HARS1: variants seen among roughly 807,000 people sequenced by gnomAD.
HARS1 encodes the protein histidyl-tRNA synthetase 1.
Under a neutral mutation model 63.6 loss-of-function variants are expected in HARS1, and 45 were observed. That is an observed-to-expected ratio of 0.71 (90% CI 0.56 to 0.91). The LOEUF (loss-of-function observed/expected upper bound fraction) is 0.91, where lower values mean the gene tolerates loss of function less well. Ranked by LOEUF, HARS1 falls within the 40% of genes least tolerant of loss-of-function variation. HARS1 has a pLI of 0.00. For missense variants in HARS1, 508 were observed against 643.2 expected (o/e 0.79, Z 2.27); for synonymous variants, 205 against 247.1 (o/e 0.83, Z 1.60).
intron 2 of HARS1, chr5:140,684,948 G>A (rs1227561344): frequency 1.3e-5 from 2 of 152,210 alleles, no homozygotes; most frequent in African/African-American, 2.4e-5. Flanking sequence ...ATAGAAGACA[G>A]CAGGATTCTC....
At chr5:140,674,610 GA>G in intron 12 of HARS1, 68 bp downstream of exon 12, 1 of 1,552,160 alleles carries the variant, frequency 6.4e-7, no homozygotes, top group Non-Finnish European at 8.9e-7. Flanking sequence ...CTCAGGTCTT[GA>G]ATGGGCATGG....
chr5:140,682,180 C>T (rs780704238), intron 3 of HARS1, among the ~76,000 whole-genome samples: 1 of 151,406 alleles, frequency 6.6e-6, no homozygotes, highest in African/African-American at 2.4e-5. Flanking sequence ...GGGGTTCGTT[C>T]GCAAGCAGCC....
At chr5:140,674,375 C>G in intron 12 of HARS1, 47 bp from the exon 13 acceptor site, 1 of 1,301,058 alleles carries the variant, frequency 7.7e-7, no homozygotes, top group Non-Finnish European at 1.1e-6. Flanking sequence ...TTCCATTCCA[C>G]TGCTCCCCGA....
intron 2 of HARS1, chr5:140,683,450 T>C: frequency 8.9e-7 from 1 of 1,119,374 alleles, no homozygotes; most frequent in Non-Finnish European, 1.2e-6. Flanking sequence ...TTGGGTCTAT[T>C]TTCTAAAATT....
Position 140,679,928 on chromosome 5 carries a change from A to C in HARS1, c.301-45T>G, listed in dbSNP as rs1437853878. 9.3e-7 allele frequency: 1 copy of C among 1,080,600 alleles called. No homozygotes were observed. The highest frequency in any genetic ancestry group is 1.3e-5 in the South Asian group (1 of 76,166). The allele number at this position is 1,080,600 out of a possible 1,614,324, so 66.9% of individuals were successfully genotyped here. A position where few individuals can be genotyped will look rare whatever the true frequency, so the allele number is the denominator to read the frequency against. ...ATGTGGTCATAATAATAAACATAAC[A>C]ATTTAAAAGGAAGTTTTGAAAACAA... On this transcript the variant is annotated intron_variant, in intron 3 of 12. Coordinates refer to ENST00000504156, the MANE Select transcript of HARS1 (RefSeq NM_002109.6). The surrounding 1 kb of genome is among the most constrained non-coding windows in gnomAD (Gnocchi z 4.3).
intron 2 of HARS1, chr5:140,685,030 T>G (rs1311588363): frequency 6.6e-6 from 1 of 152,172 alleles, no homozygotes; most frequent in Non-Finnish European, 1.5e-5. Context: ...AATCTAACCT[T>G]ACACAGATAT....
At chr5:140,684,979 A>G (rs967502738) in intron 2 of HARS1, 2 of 152,202 alleles carry the variant, frequency 1.3e-5, no homozygotes, top group African/African-American at 2.4e-5. Context: ...TTTGCATTCA[A>G]TCTGTCGTGA....
At chr5:140,682,948 G>T in intron 3 of HARS1, 152 bp downstream of exon 3, 1 of 658,092 alleles carries the variant, frequency 1.5e-6, no homozygotes. Flanking sequence ...CTCCCTCCAA[G>T]CCATTCTTGT....
chr5:140,676,795 G>C lies in HARS1; in HGVS notation c.1053C>G (p.Pro351=), dbSNP rs1435212159. The change falls in exon 10 of 13, where the codon CCC becomes CCG. Residue 351 remains proline, a synonymous_variant. Transcript: ENST00000504156. The surrounding 1 kb of genome is among the most constrained non-coding windows in gnomAD (Gnocchi z 4.1). Reference sequence around the variant, plus strand: ...CAGCAGCCACACTGCCCACACCCAGGGGCTCTTCCCCTGCCTGGGCTGGGG... The same window carrying C: ...CAGCAGCCACACTGCCCACACCCAGCGGCTCTTCCCCTGCCTGGGCTGGGG... ...LQTPAQAGEE[P]LGVGSVAAGG... is the part of the protein sequence containing the mutation. 1 of 1,614,204 alleles carries C rather than the reference G, an allele frequency of 6.2e-7. No homozygotes were observed. Among genetic ancestry groups the C allele is most frequent in the Non-Finnish European group, 8.5e-7 (1 of 1,180,028 alleles).
rs746366104 is a variant in HARS1 at position 140,674,701 on chromosome 5, C to T, written c.1436G>A (p.Arg479His). The T allele has an allele frequency of 9.3e-6, 15 of 1,614,098 alleles. No individual in the cohort carries two copies. In the East Asian group the frequency reaches 2.0e-4, roughly 22 times the overall value. Residue 479 changes from arginine to histidine, a missense_variant, in exon 12 of 13, where the codon CGT (arginine) becomes CAT (histidine). Physicochemically the swap from Arg to His is conservative, Grantham distance 29 (BLOSUM62 0). This residue lies in a region of HARS1 where 403 missense variants were observed against 548.7 expected (regional missense o/e 0.73). Transcript: ENST00000504156. ...QELKDGVIKL[R>H]SVTSREEVDV... ...CACCTCTTCCCTGCTCGTCACTGAACGGAGCTTGATGACCCCATCCTTGAG... is the reference window on the plus strand; with the variant it reads ...CACCTCTTCCCTGCTCGTCACTGAATGGAGCTTGATGACCCCATCCTTGAG...
At chr5:140,686,321 C>A (rs1056789656) in intron 2 of HARS1, among the ~76,000 whole-genome samples, 6 of 152,162 alleles carry the variant, frequency 3.9e-5, no homozygotes, top group African/African-American at 1.4e-4. Context: ...CTCACTGCAA[C>A]CTCCACCTCC....
chr5:140,690,587 C>T (rs918410900), intron 2 of HARS1, among the ~76,000 whole-genome samples: 1 of 152,176 alleles, frequency 6.6e-6, no homozygotes, highest in Admixed American at 6.5e-5. Flanking sequence ...AGAGACATAG[C>T]GCTAAATACA....
intron 3 of HARS1, 60 bp downstream of exon 3, chr5:140,683,037 ATCT>A (rs1758815144): frequency 7.2e-6 from 11 of 1,536,130 alleles, no homozygotes; most frequent in Non-Finnish European, 9.9e-6. Context: ...TCTTGTTGTC[ATCT>A]TCTTTGTTAT....
chr5:140,676,773 C>T lies in HARS1; in HGVS notation c.1075G>A (p.Ala359Thr), dbSNP rs1562005042. The T allele has an allele frequency of 1.2e-6, 2 of 1,614,268 alleles. No homozygotes were observed. The highest frequency in any genetic ancestry group is 8.5e-7 in the Non-Finnish European group (1 of 1,180,044). Residue 359 changes from alanine (A) to threonine (T), a missense_variant, in exon 10 of 13, where the codon GCT (alanine) becomes ACT (threonine). Physicochemically the swap from Ala to Thr is moderately conservative, Grantham distance 58. Transcript: ENST00000504156. This position sits in a 1 kb window ranked among gnomAD's most constrained non-coding sequence, Gnocchi z 4.1. ...EEPLGVGSVAAGGRYDGLVGM... is the reference protein window; with the variant it reads ...EEPLGVGSVATGGRYDGLVGM... ...ACTAGCCCATCATAGCGTCCTCCAG[C>T]AGCCACACTGCCCACACCCAGGGGC...
chr5:140,676,254 A>G lies in HARS1; in HGVS notation c.1194+400T>C, dbSNP rs569565730. On this transcript the variant is annotated intron_variant, in intron 10 of 12. Transcript: ENST00000504156. This position sits in a 1 kb window ranked among gnomAD's most constrained non-coding sequence, Gnocchi z 4.1. ...TTCAGTGTTCTCATCTGGAAAATGCAATTAATAAAATTAGCTACTCTCACA... is the reference window on the plus strand; with the variant it reads ...TTCAGTGTTCTCATCTGGAAAATGCGATTAATAAAATTAGCTACTCTCACA... 7.6e-4 allele frequency: 132 copies of G among 172,948 alleles called. 2 individuals carry two copies. In the South Asian group the frequency reaches 0.018, roughly 23 times the overall value. 10.7% of individuals were successfully genotyped at this position (172,948 alleles called of 1,614,324 possible). A position where few individuals can be genotyped will look rare whatever the true frequency, so the allele number is the denominator to read the frequency against.
Position 140,676,653 on chromosome 5 carries a change from C to T in HARS1, c.1194+1G>A, listed in dbSNP as rs537637882. On this transcript the variant is annotated splice_donor_variant, in intron 10 of 12. Coordinates refer to ENST00000504156, the MANE Select transcript of HARS1 (RefSeq NM_002109.6). LOFTEE classifies it high-confidence loss of function. This position sits in a 1 kb window ranked among gnomAD's most constrained non-coding sequence, Gnocchi z 4.1. ...TCTTCTACCTACCTCCTAGGACCTA[C>T]CTCTAGTCTCTGTTCCACGATGGAG... is the stretch of plus-strand genomic sequence containing the variant. The T allele has an allele frequency of 4.3e-6, 7 of 1,613,996 alleles. No individual in the cohort carries two copies. The highest frequency in any genetic ancestry group is 5.9e-6 in the Non-Finnish European group (7 of 1,179,954).
rs190289555 is a variant in HARS1, at chr5:140,686,443, T to C, written c.181-3224A>G. The stretch of plus-strand genomic sequence containing the variant: ...TAGTAGAGACAGCGTTTCACCATGT[T>C]GGCTAGGCTGGTCTCAAACTCCCGA... On this transcript the variant is annotated intron_variant, in intron 2 of 12. Transcript: ENST00000504156. 7.1e-3 allele frequency among the ~76,000 whole-genome samples: 1,083 copies of C among 152,270 alleles called. 9 individuals carry two copies. Among genetic ancestry groups the C allele is most frequent in the Non-Finnish European group, 0.012 (802 of 68,024 alleles).
rs1239726118 is a variant in HARS1 at position 140,677,116 on chromosome 5, C to T, written c.824G>A (p.Gly275Asp). ...DRIGDYVQQH[G>D]GVSLVEQLLQ... ...CAGCTGTTCCACCAGGGATACCCCACCTGGGGAGACAGACTTGTGAGTGAG... is the reference window on the plus strand; with the variant it reads ...CAGCTGTTCCACCAGGGATACCCCATCTGGGGAGACAGACTTGTGAGTGAG... The change falls in exon 9 of 13, where the codon GGT becomes GAT. Residue 275 changes from glycine (G) to aspartate (D), a missense_variant and splice_region_variant. Gly to Asp is a moderately conservative substitution (Grantham distance 94). Transcript: ENST00000504156. 1 of 1,613,876 alleles carries T rather than the reference C, an allele frequency of 6.2e-7. No homozygotes were observed. The highest frequency in any genetic ancestry group is 8.5e-7 in the Non-Finnish European group (1 of 1,179,844).
intron 3 of HARS1, among the ~76,000 whole-genome samples, chr5:140,680,862 A>G (rs1408456747): frequency 6.6e-6 from 1 of 151,902 alleles, no homozygotes; most frequent in Admixed American, 6.6e-5. Context: ...AATTCCCCAT[A>G]ACATTTCAAT....
Sources: gnomAD v4.1 joint callset for allele counts (sites outside exome capture counted in the v4.1 genomes callset) on GRCh38, gnomAD v4.1.1 for gene constraint, gnomAD v4.1.1 regional missense constraint, Gnocchi (gnomAD v3.1) non-coding constraint, MANE v1.5 for transcripts, NCBI Gene and HGNC (gene_info 2026-07-23, HGNC 2026-07-21) for gene names.